SERINC5: variants seen among roughly 807,000 people sequenced by gnomAD.
The protein encoded by SERINC5 is serine incorporator 5.
SERINC5 carries 41 observed loss-of-function variants against 63.1 expected under a neutral mutation model. That is an observed-to-expected ratio of 0.65 (90% confidence interval 0.51 to 0.84). SERINC5 has a LOEUF of 0.84. SERINC5 is among the 40% of genes least tolerant of loss of function. The pLI, the probability that SERINC5 is intolerant of heterozygous loss-of-function variation, is 0.00. For missense variants in SERINC5, 523 were observed against 573.0 expected (o/e 0.91, Z 0.89); for synonymous variants, 222 against 215.2 (o/e 1.03, Z -0.28).
chr5:80,151,631 A>G (rs1017006585), intron 8 of SERINC5, among the ~76,000 whole-genome samples: 2 of 152,228 alleles, frequency 1.3e-5, no homozygotes, highest in African/African-American at 4.8e-5. Flanking sequence ...CCTGAGCAAC[A>G]TAGCAAGACC....
chr5:80,211,531 G>C (rs1390248850), intron 1 of SERINC5, among the ~76,000 whole-genome samples: 8 of 152,190 alleles, frequency 5.3e-5, no homozygotes, highest in Non-Finnish European at 1.2e-4. Flanking sequence ...CTAACTTCGA[G>C]CACATCTGTT....
chr5:80,159,994 C>G (rs953484091), intron 7 of SERINC5, among the ~76,000 whole-genome samples: 1 of 152,144 alleles, frequency 6.6e-6, no homozygotes, highest in Non-Finnish European at 1.5e-5. Context: ...GATCTGTGAG[C>G]CACTCTATCA....
At chr5:80,120,278 T>C (rs772906697) in intron 11 of SERINC5, among the ~76,000 whole-genome samples, 4 of 152,220 alleles carry the variant, frequency 2.6e-5, no homozygotes, top group Admixed American at 6.5e-5. Flanking sequence ...TTCTAAGTTA[T>C]AGTACCTATT....
At chr5:80,195,141 C>G (rs1346540239) in intron 2 of SERINC5, among the ~76,000 whole-genome samples, 1 of 151,974 alleles carries the variant, frequency 6.6e-6, no homozygotes, top group Non-Finnish European at 1.5e-5. Context: ...ACAAAATTAG[C>G]CGAGTGTGAT....
chr5:80,226,201 T>C (rs1289428175), intron 1 of SERINC5, among the ~76,000 whole-genome samples: 1 of 152,190 alleles, frequency 6.6e-6, no homozygotes, highest in East Asian at 1.9e-4. Context: ...GGAGTACAGG[T>C]GCACACTATG....
rs186573691 is a variant in SERINC5 at position 80,211,307 on chromosome 5, C to T, written c.28-8254G>A. Among the ~76,000 whole-genome samples the T allele has an allele frequency of 3.9e-5, 6 of 152,310 alleles. No individual in the cohort carries two copies. In the East Asian group the frequency reaches 1.2e-3, roughly 29 times the overall value. On this transcript the variant is annotated intron_variant, in intron 1 of 11. Transcript: ENST00000507668. ...CAGCAGGATTCCACAAAGCCCCTGA[C>T]TCTGACCGAGTGCAGCCCTCCAGAA... is the stretch of plus-strand genomic sequence containing the variant.
intron 1 of SERINC5, among the ~76,000 whole-genome samples, chr5:80,238,173 G>T (rs569958064): frequency 7.0e-6 from 1 of 143,076 alleles, no homozygotes; most frequent in Non-Finnish European, 1.5e-5. Flanking sequence ...ATTCCTCCCC[G>T]CCCCCCATCA....
chr5:80,175,583 C>T (rs193293747), intron 4 of SERINC5, among the ~76,000 whole-genome samples: 1 of 152,150 alleles, frequency 6.6e-6, no homozygotes, highest in Admixed American at 6.6e-5. Flanking sequence ...AATCACTGAG[C>T]TGGGGCTGGG....
chr5:80,170,935 T>C (rs1417441255), intron 5 of SERINC5, among the ~76,000 whole-genome samples: 1 of 152,116 alleles, frequency 6.6e-6, no homozygotes, highest in Non-Finnish European at 1.5e-5. Context: ...TGAGCTCGGG[T>C]GGATGAAGGC....
intron 2 of SERINC5, among the ~76,000 whole-genome samples, chr5:80,197,308 TGAGAGAGAGAGAGAGAGA>T (rs34195156): frequency 0.017 from 2,346 of 137,036 alleles, 60 homozygotes; most frequent in African/African-American, 0.059. Flanking sequence ...ACTCCATCTG[TGAGAGAGAGAGAGAGAGA>T]GAGAGAGAGA....
chr5:80,160,212 G>A lies in SERINC5; in HGVS notation c.860-1250C>T, dbSNP rs1036644729. 2.0e-5 allele frequency among the ~76,000 whole-genome samples: 3 copies of A among 152,270 alleles called. No homozygotes were observed. In the East Asian group the frequency reaches 5.8e-4, roughly 29 times the overall value. On this transcript the variant is annotated intron_variant, in intron 7 of 11. Transcript: ENST00000507668. ...TGATGTCCACTGCCTGCTTGCTGGT[G>A]GGGAGAAATCTCCACTTATTTTAGT...
In SERINC5 at chr5:80,171,774, GGGA is replaced by G. The variant is rs767607355; in HGVS notation, c.552-2231_552-2229del. Among the ~76,000 whole-genome samples, 3 of 152,178 alleles carry G rather than the reference GGGA, an allele frequency of 2.0e-5. 1 individual carries two copies. ...GGACATGCTAATTAGCCAGCTTCTT[GGGA>G]GGCAGAGGCAGGAGGATTTCTTGAG... On this transcript the variant is annotated intron_variant, in intron 5 of 11. Coordinates refer to ENST00000507668, the MANE Select transcript of SERINC5 (RefSeq NM_001174072.3).
chr5:80,144,980 A>G (rs1172415863), intron 11 of SERINC5, among the ~76,000 whole-genome samples: 1 of 148,646 alleles, frequency 6.7e-6, no homozygotes, highest in Admixed American at 6.8e-5. Context: ...GGCCAGGTCA[A>G]TCATGTACTG....
chr5:80,144,965 G>C (rs1217748108), intron 11 of SERINC5, among the ~76,000 whole-genome samples: 1 of 151,284 alleles, frequency 6.6e-6, no homozygotes, highest in Non-Finnish European at 1.5e-5. Context: ...TGTAGTGCCA[G>C]GGAAGGCCAG....
intron 1 of SERINC5, among the ~76,000 whole-genome samples, chr5:80,255,523 C>T (rs1752620840): frequency 6.6e-6 from 1 of 152,170 alleles, no homozygotes; most frequent in African/African-American, 2.4e-5. Context: ...TTCCTGGATT[C>T]ATCCGACAAG....
At chr5:80,138,317 C>T (rs959194090), downstream of SERINC5, among the ~76,000 whole-genome samples, 3 of 151,584 alleles carry the variant, frequency 2.0e-5, no homozygotes, top group Non-Finnish European at 4.4e-5. Flanking sequence ...GAGAGTAGGC[C>T]GGGCACGGTG....
intron 7 of SERINC5, among the ~76,000 whole-genome samples, chr5:80,165,229 A>C (rs1462691601): frequency 6.6e-6 from 1 of 152,204 alleles, no homozygotes; most frequent in Non-Finnish European, 1.5e-5. Flanking sequence ...AGGTTAGGCA[A>C]TAGTTACTTA....
intron 11 of SERINC5, among the ~76,000 whole-genome samples, chr5:80,125,685 C>A (rs570541195): frequency 4.6e-5 from 7 of 152,000 alleles, no homozygotes; most frequent in African/African-American, 1.7e-4. Flanking sequence ...TGGGGACGTC[C>A]GATGATGGGA....
At chr5:80,127,538 A>G (rs943348627) in intron 11 of SERINC5, among the ~76,000 whole-genome samples, 3 of 152,214 alleles carry the variant, frequency 2.0e-5, no homozygotes, top group Non-Finnish European at 4.4e-5. Context: ...ACTGACTGAT[A>G]CCACCTACCT....
Sources: allele counts gnomAD v4.1 joint callset (sites outside exome capture counted in the v4.1 genomes callset), GRCh38; gene constraint gnomAD v4.1.1; transcripts MANE v1.5; gene names NCBI Gene and HGNC (gene_info 2026-07-23, HGNC 2026-07-21).